Variants in DSCAML1 observed in about 807,000 individuals in gnomAD.
DSCAML1 encodes cell adhesion molecule DSCAML1.
Under a neutral mutation model 200.5 loss-of-function variants are expected in DSCAML1, and 38 were observed. The ratio of observed to expected loss-of-function variants is 0.19; its 90% confidence interval spans 0.15 to 0.25. The LOEUF is 0.25. Ranked by LOEUF, DSCAML1 falls within the 10% of genes least tolerant of loss-of-function variation. DSCAML1 has a pLI of 1.00. For missense variants in DSCAML1, 2,223 were observed against 2,858.8 expected, an observed-to-expected ratio of 0.78 and a Z score of 5.07; for synonymous variants, 1,215 against 1,165.0, an observed-to-expected ratio of 1.04 and a Z score of -0.87.
At chr11:117,791,629 C>T (rs2055468902) in intron 1 of DSCAML1, among the ~76,000 whole-genome samples, 1 of 152,224 alleles carries the variant, frequency 6.6e-6, no homozygotes, top group Admixed American at 6.5e-5. Context: ...GACCACATGG[C>T]CTCAGCCATG....
At position 117,444,043 on chromosome 11, in the gene DSCAML1, C is replaced by T. The variant is rs144958920; in HGVS notation, c.3709-4G>A. 7.8e-3 allele frequency: 12,480 copies of T among 1,608,964 alleles called. 65 individuals carry two copies. Among genetic ancestry groups the T allele is most frequent in the Non-Finnish European group, 9.2e-3 (10,844 of 1,177,044 alleles). On this transcript the variant is annotated splice_polypyrimidine_tract_variant and splice_region_variant and intron_variant, in intron 20 of 32. Coordinates refer to ENST00000651296, the MANE Select transcript of DSCAML1 (RefSeq NM_020693.4). ...TCGTCTCGTACTCGCTGGGAGCCTG[C>T]GGGGCAGAGGCAAAGAGGCTCTAAG...
At chr11:117,621,587 G>A (rs2137550826) in intron 3 of DSCAML1, among the ~76,000 whole-genome samples, 1 of 152,302 alleles carries the variant, frequency 6.6e-6, no homozygotes, top group Non-Finnish European at 1.5e-5. Context: ...AAATGTTAAT[G>A]TACTTGCATC....
At chr11:117,561,822 T>A (rs2050668956) in intron 3 of DSCAML1, among the ~76,000 whole-genome samples, 1 of 152,192 alleles carries the variant, frequency 6.6e-6, no homozygotes, top group Non-Finnish European at 1.5e-5. Flanking sequence ...TATGTATTCA[T>A]CTCCCCATTA....
At chr11:117,718,667 A>ACCCCCCCCCCCCCCCCCC (rs1295109321) in intron 3 of DSCAML1, among the ~76,000 whole-genome samples, 1 of 22,328 alleles carries the variant, frequency 4.5e-5, no homozygotes, top group Non-Finnish European at 9.3e-5. Flanking sequence ...GAATACTCAA[A>ACCCCCCCCCCCCCCCCCC]ACCCCCCCCC....
intron 3 of DSCAML1, among the ~76,000 whole-genome samples, chr11:117,715,544 C>G (rs567364828): frequency 6.6e-6 from 1 of 152,210 alleles, no homozygotes; most frequent in Non-Finnish European, 1.5e-5. Flanking sequence ...ACAGCGATAG[C>G]TCTTGCCTGC....
intron 3 of DSCAML1, among the ~76,000 whole-genome samples, chr11:117,767,294 C>T (rs73587438): frequency 0.051 from 7,794 of 152,034 alleles, 654 homozygotes; most frequent in African/African-American, 0.17. Context: ...CCCACATCTG[C>T]AAAATGGGAA....
chr11:117,490,777 T>G (rs2049167569), intron 11 of DSCAML1, among the ~76,000 whole-genome samples: 1 of 152,236 alleles, frequency 6.6e-6, no homozygotes, highest in South Asian at 2.1e-4. Context: ...TTTCGGTTTA[T>G]CCTAGCCTTC....
At chr11:117,485,815 G>A (rs1232296222) in intron 11 of DSCAML1, among the ~76,000 whole-genome samples, 2 of 152,252 alleles carry the variant, frequency 1.3e-5, no homozygotes, top group Non-Finnish European at 2.9e-5. Flanking sequence ...GAAAGCAAAT[G>A]TCAGAGAATG....
intron 3 of DSCAML1, among the ~76,000 whole-genome samples, chr11:117,696,804 A>G (rs866096991): frequency 1.3e-4 from 20 of 152,214 alleles, no homozygotes; most frequent in African/African-American, 4.8e-4. Context: ...CCACGAGCTT[A>G]GTGCTCACTA....
At chr11:117,740,163 G>A (rs927547943) in intron 3 of DSCAML1, among the ~76,000 whole-genome samples, 2 of 152,144 alleles carry the variant, frequency 1.3e-5, no homozygotes, top group Admixed American at 6.5e-5. Flanking sequence ...AGGAAGGGAG[G>A]ACCAGGGCCC....
intron 3 of DSCAML1, among the ~76,000 whole-genome samples, chr11:117,682,142 G>A (rs751567857): frequency 3.9e-5 from 6 of 152,144 alleles, no homozygotes; most frequent in Non-Finnish European, 8.8e-5. Context: ...ACCCTGCTGT[G>A]TACAGGATGG....
intron 3 of DSCAML1, among the ~76,000 whole-genome samples, chr11:117,644,743 C>G (rs1399762509): frequency 6.6e-6 from 1 of 152,204 alleles, no homozygotes; most frequent in Non-Finnish European, 1.5e-5. Flanking sequence ...TTCCTCTGCA[C>G]CAGGTGGAGC....
At chr11:117,435,913 T>G in intron 26 of DSCAML1, 114 bp from the exon 27 acceptor site, 1 of 1,204,230 alleles carries the variant, frequency 8.3e-7, no homozygotes, top group Non-Finnish European at 1.1e-6. Flanking sequence ...GGCTCTGACC[T>G]CCACCTCCTG....
At chr11:117,795,317 G>A (rs1464869537) in intron 1 of DSCAML1, among the ~76,000 whole-genome samples, 2 of 152,124 alleles carry the variant, frequency 1.3e-5, no homozygotes, top group African/African-American at 4.8e-5. Context: ...GATGGGGGTT[G>A]GAGAGAGAAC....
intron 1 of DSCAML1, among the ~76,000 whole-genome samples, chr11:117,796,582 C>T (rs1435243301): frequency 2.6e-5 from 4 of 152,248 alleles, no homozygotes; most frequent in Non-Finnish European, 5.9e-5. Context: ...GAGGGACGCA[C>T]GGACATAGCG....
At chr11:117,753,674 G>C (rs1203500742) in intron 3 of DSCAML1, among the ~76,000 whole-genome samples, 1 of 152,212 alleles carries the variant, frequency 6.6e-6, no homozygotes, top group African/African-American at 2.4e-5. Context: ...TTCAGTCATG[G>C]TAATGAGAAT....
In DSCAML1 at chr11:117,480,917, A is replaced by T. The variant is rs1243594381; in HGVS notation, c.2656+257T>A. On this transcript the variant is annotated intron_variant, in intron 13 of 32. Coordinates refer to ENST00000651296, the MANE Select transcript of DSCAML1 (RefSeq NM_020693.4). This position sits in a 1 kb window ranked among gnomAD's most constrained non-coding sequence, Gnocchi z 4.1. ...CTGGACCCAGGAACCTGACTCCCCC[A>T]CCCCTCCCCAGAAGGGTCAGTGGAA... 6.6e-6 allele frequency among the ~76,000 whole-genome samples: 1 copy of T among 150,750 alleles called. No homozygotes were observed. The highest frequency in any genetic ancestry group is 1.5e-5 in the Non-Finnish European group (1 of 67,788).
Position 117,518,433 on chromosome 11 carries a change from A to C in DSCAML1, c.1510+33T>G. 6.2e-7 allele frequency: 1 copy of C among 1,613,540 alleles called. No homozygotes were observed. The highest frequency in any genetic ancestry group is 8.5e-7 in the Non-Finnish European group (1 of 1,179,776). On this transcript the variant is annotated intron_variant, in intron 7 of 32. Transcript: ENST00000651296. The surrounding 1 kb of genome is among the most constrained non-coding windows in gnomAD (Gnocchi z 6.3). The stretch of plus-strand genomic sequence containing the variant: ...CACAGAGATGGCAAAGGAACTCAAA[A>C]ACCTATTCTGATATTTAAATGTAGA...
intron 12 of DSCAML1, among the ~76,000 whole-genome samples, chr11:117,481,635 T>C (rs1286419724): frequency 3.2e-5 from 1 of 31,660 alleles, no homozygotes; most frequent in African/African-American, 1.4e-4. Flanking sequence ...TCCAGGAGAG[T>C]GGGAAGGGCT....
Sources: gnomAD v4.1 joint callset for allele counts (sites outside exome capture counted in the v4.1 genomes callset) on GRCh38, gnomAD v4.1.1 for gene constraint, Gnocchi (gnomAD v3.1) non-coding constraint, MANE v1.5 for transcripts, NCBI Gene and HGNC (gene_info 2026-07-23, HGNC 2026-07-21) for gene names.